The following FRY variants were observed in gnomAD, a reference collection of about 807,000 sequenced individuals.
The protein encoded by FRY is FRY microtubule binding protein, also known as protein furry homolog.
A neutral mutation model predicts 348.4 loss-of-function variants in FRY; 128 were observed. The observed-to-expected ratio is 0.37, with a 90% CI of 0.32 to 0.43. The LOEUF (loss-of-function observed/expected upper bound fraction) is 0.43, where lower values mean the gene tolerates loss of function less well. FRY is among the 20% of genes least tolerant of loss of function. The pLI is 1.00. For missense variants in FRY, 2,736 were observed against 3,695.2 expected, an observed-to-expected ratio of 0.74 and a Z score of 6.73; for synonymous variants, 1,370 against 1,374.7, an observed-to-expected ratio of 1.00 and a Z score of 0.08.
At chr13:32,223,317 G>T (rs543373240) in intron 36 of FRY, among the ~76,000 whole-genome samples, 1 of 152,184 alleles carries the variant, frequency 6.6e-6, no homozygotes, top group Non-Finnish European at 1.5e-5. Flanking sequence ...CATAGAGATG[G>T]GAATTCAACA....
chr13:32,268,497 AAAAAAAAAATAT>A (rs1283673127), intron 55 of FRY, among the ~76,000 whole-genome samples: 12 of 15,442 alleles, frequency 7.8e-4, no homozygotes, highest in African/African-American at 1.8e-3. Flanking sequence ...AAAAAAAAAA[AAAAAAAAAATAT>A]ATATATATAT....
intron 35 of FRY, among the ~76,000 whole-genome samples, chr13:32,213,841 C>A (rs1444029219): frequency 2.0e-5 from 3 of 152,202 alleles, no homozygotes; most frequent in Non-Finnish European, 4.4e-5. Context: ...TGCCTTTGAA[C>A]TTAAGAAGCC....
chr13:32,119,896 A>G (rs1423195206), intron 4 of FRY, among the ~76,000 whole-genome samples: 1 of 152,222 alleles, frequency 6.6e-6, no homozygotes, highest in African/African-American at 2.4e-5. Flanking sequence ...TGAAAGATAA[A>G]CATGCAAGTT....
At chr13:32,161,307 G>T in intron 17 of FRY, 56 bp downstream of exon 17, 1 of 988,608 alleles carries the variant, frequency 1.0e-6, no homozygotes, top group Non-Finnish European at 1.6e-6. Flanking sequence ...TGTGACTCCT[G>T]AAAAAAAAAT....
At chr13:32,117,554 C>A (rs1026016484) in intron 4 of FRY, 81 bp downstream of exon 4, 14 of 1,427,056 alleles carry the variant, frequency 9.8e-6, no homozygotes, top group Admixed American at 1.7e-5. Context: ...AGTTACAAGG[C>A]AATTGGGTCT....
intron 1 of FRY, among the ~76,000 whole-genome samples, chr13:32,034,860 A>T (rs1872427452): frequency 6.6e-6 from 1 of 152,154 alleles, no homozygotes; most frequent in Admixed American, 6.5e-5. Flanking sequence ...TCCCAAATTC[A>T]TGCCTGTACA....
At position 32,161,189 on chromosome 13, in the gene FRY, T is replaced by A; in HGVS notation, c.1830T>A (p.Ala610=). 6.2e-7 allele frequency: 1 copy of A among 1,613,684 alleles called. No individual in the cohort carries two copies. Among genetic ancestry groups the A allele is most frequent in the South Asian group, 1.1e-5 (1 of 91,074 alleles). ...TAGATCTTTTCAGGACCTGTGTTGCTGCTATTCCTCGACTGCTTCCTGATG... is the reference window on the plus strand; with the variant it reads ...TAGATCTTTTCAGGACCTGTGTTGCAGCTATTCCTCGACTGCTTCCTGATG... ...PKIDLFRTCV[A]AIPRLLPDGM... Residue 610 remains alanine (A), a synonymous_variant, in exon 17 of 61, where the codon GCT becomes GCA. Coordinates refer to ENST00000542859, the MANE Select transcript of FRY (RefSeq NM_023037.3).
chr13:32,290,657 G>A (rs1031471492), intron 59 of FRY, among the ~76,000 whole-genome samples: 1 of 152,032 alleles, frequency 6.6e-6, no homozygotes. Flanking sequence ...CTATGCGGAG[G>A]GTGGGTCTGA....
intron 7 of FRY, among the ~76,000 whole-genome samples, chr13:32,126,602 C>A (rs1486156032): frequency 1.3e-5 from 2 of 152,204 alleles, no homozygotes; most frequent in African/African-American, 4.8e-5. Context: ...AACCGTTTGG[C>A]CAGTCTGCTC....
chr13:32,155,440 A>G (rs780327773), intron 14 of FRY, 51 bp from the exon 15 acceptor site: 2 of 1,297,832 alleles, frequency 1.5e-6, no homozygotes, highest in East Asian at 4.6e-5. Context: ...GATGTATTCC[A>G]CTACAATAAT....
chr13:32,245,878 G>A (rs1419297238), intron 47 of FRY, among the ~76,000 whole-genome samples: 4 of 152,200 alleles, frequency 2.6e-5, no homozygotes, highest in East Asian at 1.9e-4. Flanking sequence ...GTTCTCTCTG[G>A]AAGCTCATTG....
chr13:32,131,542 C>T (rs1218787516), intron 7 of FRY, 130 bp from the exon 8 acceptor site: 4 of 689,352 alleles, frequency 5.8e-6, no homozygotes, highest in Non-Finnish European at 1.0e-5. Flanking sequence ...CTTACAAAAT[C>T]ATGGCTGTTG....
intron 1 of FRY, among the ~76,000 whole-genome samples, chr13:32,034,193 TCTATAA>T (rs1435871682): frequency 1.3e-5 from 2 of 152,304 alleles, no homozygotes; most frequent in East Asian, 1.9e-4. Context: ...TAAAACAAAC[TCTATAA>T]CTATGACTGG....
Position 32,250,072 on chromosome 13 carries a change from G to A in FRY, c.7170+385G>A, listed in dbSNP as rs116802921. Among the ~76,000 whole-genome samples the A allele has an allele frequency of 4.3e-3, 649 of 152,260 alleles. 6 individuals carry two copies. The highest frequency in any genetic ancestry group is 0.014 in the African/African-American group (583 of 41,536). ...ACTTGGACTCCCAAAGGGTTGATAG[G>A]GCTGCACACCCAAAGACCACCCTGT... On this transcript the variant is annotated intron_variant, in intron 49 of 60. Coordinates refer to ENST00000542859, the MANE Select transcript of FRY (RefSeq NM_023037.3).
intron 11 of FRY, among the ~76,000 whole-genome samples, chr13:32,145,980 A>G (rs900961867): frequency 6.6e-6 from 1 of 151,866 alleles, no homozygotes; most frequent in African/African-American, 2.4e-5. Context: ...TGAGAAGCCT[A>G]TTCTCCTCAT....
At chr13:32,173,316 C>T in intron 18 of FRY, 51 bp from the exon 19 acceptor site, 1 of 1,402,146 alleles carries the variant, frequency 7.1e-7, no homozygotes, top group Non-Finnish European at 1.0e-6. Context: ...GTGTATTCTT[C>T]TTCCTTTGTT....
chr13:32,273,384 G>A (rs1403136842), intron 55 of FRY, among the ~76,000 whole-genome samples: 1 of 151,628 alleles, frequency 6.6e-6, no homozygotes, highest in East Asian at 2.0e-4. Flanking sequence ...CACCTCGCCC[G>A]GCTAATTTTT....
rs761834432 is a variant in FRY, at chr13:32,239,839, A to G, written c.6645A>G (p.Ala2215=). The G allele has an allele frequency of 1.2e-6, 2 of 1,614,088 alleles. No individual in the cohort carries two copies. The highest frequency in any genetic ancestry group is 1.7e-5 in the Admixed American group (1 of 60,014). ...TGGTCTGTCGATACCTTCATGAAGC[A>G]TATGCTGACATTACCTTGAATATGG... ...VNVVCRYLHE[A]YADITLNMVT... is the part of the protein sequence containing the mutation. Residue 2215 remains alanine, a synonymous_variant, in exon 46 of 61, where the codon GCA becomes GCG. Transcript: ENST00000542859. This position sits in a 1 kb window ranked among gnomAD's most constrained non-coding sequence, Gnocchi z 4.3.
intron 7 of FRY, among the ~76,000 whole-genome samples, chr13:32,127,694 G>T (rs1183839806): frequency 6.6e-6 from 1 of 151,984 alleles, no homozygotes; most frequent in African/African-American, 2.4e-5. Context: ...CAGGAGAATC[G>T]CTTGAACCCG....
Sources: allele counts gnomAD v4.1 joint callset (sites outside exome capture counted in the v4.1 genomes callset), GRCh38; gene constraint gnomAD v4.1.1; non-coding constraint Gnocchi (gnomAD v3.1); transcripts MANE v1.5; gene names NCBI Gene and HGNC (gene_info 2026-07-23, HGNC 2026-07-21).